The following DTNA variants were observed in gnomAD, a reference collection of about 807,000 sequenced individuals.
DTNA encodes the protein dystrophin-related protein 3.
DTNA carries 43 observed loss-of-function variants against 100.7 expected under a neutral mutation model. That is an observed-to-expected ratio of 0.43 (90% CI 0.33 to 0.55). The LOEUF is 0.55. Ranked by LOEUF, DTNA falls within the 20% of genes least tolerant of loss-of-function variation. DTNA has a pLI of 0.04. For missense variants in DTNA, 798 were observed against 953.9 expected, an observed-to-expected ratio of 0.84 and a Z score of 2.15; for synonymous variants, 349 against 347.9, an observed-to-expected ratio of 1.00 and a Z score of -0.04.
chr18:34,583,946 G>A (rs189023619), intron 1 of DTNA, among the ~76,000 whole-genome samples: 2 of 152,272 alleles, frequency 1.3e-5, no homozygotes, highest in Admixed American at 6.5e-5. Context: ...CATTATTGGG[G>A]ACAGTGGCAG....
At chr18:34,571,933 C>T (rs893381698) in intron 1 of DTNA, among the ~76,000 whole-genome samples, 18 of 152,248 alleles carry the variant, frequency 1.2e-4, no homozygotes, top group South Asian at 2.1e-4. Flanking sequence ...GGCAACACAG[C>T]GTTCATTTTT....
chr18:34,756,218 T>C (rs2092757840), intron 2 of DTNA, among the ~76,000 whole-genome samples, 175 bp downstream of exon 2: 1 of 152,216 alleles, frequency 6.6e-6, no homozygotes, highest in African/African-American at 2.4e-5. Context: ...GTTCAGTTAG[T>C]CAGTAATTCA....
chr18:34,650,107 A>G lies in DTNA; in HGVS notation c.-1-105869A>G, dbSNP rs190253242. Among the ~76,000 whole-genome samples the G allele has an allele frequency of 1.2e-4, 18 of 152,298 alleles. No homozygotes were observed. In the East Asian group the frequency reaches 3.5e-3, roughly 29 times the overall value. ...TTTGCACAGGAGAACTTGAGAGTCAAAAGACTTAAATTTGTTTCAAGTTTC... is the reference window on the plus strand; with the variant it reads ...TTTGCACAGGAGAACTTGAGAGTCAGAAGACTTAAATTTGTTTCAAGTTTC... On this transcript the variant is annotated intron_variant, in intron 1 of 19. Coordinates refer to the DTNA transcript ENST00000283365.
chr18:34,845,728 G>A (rs2096365589), intron 13 of DTNA, among the ~76,000 whole-genome samples: 1 of 152,154 alleles, frequency 6.6e-6, no homozygotes, highest in Non-Finnish European at 1.5e-5. Flanking sequence ...AAAGAATTTA[G>A]TTATTATTTT....
chr18:34,533,820 G>A (rs1367691495), intron 1 of DTNA, among the ~76,000 whole-genome samples: 1 of 152,026 alleles, frequency 6.6e-6, no homozygotes, highest in Non-Finnish European at 1.5e-5. Flanking sequence ...GCATTCTATG[G>A]TACAGATGGA....
intron 1 of DTNA, among the ~76,000 whole-genome samples, chr18:34,729,380 CAA>C (rs985429807): frequency 8.0e-4 from 122 of 152,228 alleles, no homozygotes; most frequent in African/African-American, 2.6e-3. Flanking sequence ...TACCTGCAAT[CAA>C]GAGACAGAGA....
chr18:34,887,744 AT>A (rs2096936114), intron 22 of DTNA, 21 bp from the exon 23 acceptor site: 2 of 985,338 alleles, frequency 2.0e-6, no homozygotes, highest in Non-Finnish European at 2.4e-6. Flanking sequence ...TTTAAAAAAA[AT>A]TACACATTCC....
chr18:34,721,506 GA>G lies in DTNA; in HGVS notation c.-2+11069del, dbSNP rs200221477. Among the ~76,000 whole-genome samples, 24 of 151,542 alleles carry G rather than the reference GA, an allele frequency of 1.6e-4. 1 individual carries two copies. In the South Asian group the frequency reaches 4.2e-3, roughly 26 times the overall value. The stretch of plus-strand genomic sequence containing the variant: ...ACAACTCCCAACATGGGAAACTAAT[GA>G]AAAAAAACAAACAAACAAAAACGTG... On this transcript the variant is annotated intron_variant, in intron 1 of 22. Coordinates refer to ENST00000444659, the MANE Select transcript of DTNA (RefSeq NM_001386795.1).
intron 3 of DTNA, among the ~76,000 whole-genome samples, chr18:34,783,723 C>T (rs919936889): frequency 1.2e-4 from 19 of 152,254 alleles, no homozygotes; most frequent in Middle Eastern, 3.4e-3. Flanking sequence ...TGGGTGATGG[C>T]GGATAGCTTC....
At chr18:34,562,960 A>G (rs939830819) in intron 1 of DTNA, among the ~76,000 whole-genome samples, 1 of 152,216 alleles carries the variant, frequency 6.6e-6, no homozygotes, top group African/African-American at 2.4e-5. Context: ...GCAAATTAGG[A>G]AAAGTTGTCC....
chr18:34,586,697 T>C (rs972044233), intron 1 of DTNA, among the ~76,000 whole-genome samples: 1 of 152,222 alleles, frequency 6.6e-6, no homozygotes, highest in African/African-American at 2.4e-5. Context: ...ATTAGATATT[T>C]GATTATGAAA....
chr18:34,708,397 C>T (rs1240248136), upstream of DTNA, among the ~76,000 whole-genome samples: 1 of 152,138 alleles, frequency 6.6e-6, no homozygotes, highest in Non-Finnish European at 1.5e-5. Context: ...GTATCATTAA[C>T]AAATAACATA....
At chr18:34,749,009 T>C (rs1388272694) in intron 1 of DTNA, among the ~76,000 whole-genome samples, 1 of 152,072 alleles carries the variant, frequency 6.6e-6, no homozygotes, top group Non-Finnish European at 1.5e-5. Flanking sequence ...TCCTTGTAGG[T>C]ATTTTTTATT....
At chr18:34,846,384 T>C (rs2096378559) in intron 13 of DTNA, among the ~76,000 whole-genome samples, 1 of 152,172 alleles carries the variant, frequency 6.6e-6, no homozygotes, top group African/African-American at 2.4e-5. Context: ...AACTAATATT[T>C]TTGAGCACCT....
chr18:34,633,843 C>G (rs919209087), intron 1 of DTNA, among the ~76,000 whole-genome samples: 1 of 152,226 alleles, frequency 6.6e-6, no homozygotes, highest in Non-Finnish European at 1.5e-5. Flanking sequence ...ACATACCTTT[C>G]TTAAAACTTC....
At chr18:34,586,966 G>GTT (rs56229514) in intron 1 of DTNA, among the ~76,000 whole-genome samples, 15,001 of 145,922 alleles carry the variant, frequency 0.1, 1,081 homozygotes, top group African/African-American at 0.2. Flanking sequence ...AAAATCTTTA[G>GTT]TTTTTTTTTT....
chr18:34,791,866 T>G lies in DTNA; in HGVS notation c.149-2171T>G, dbSNP rs1048122178. Among the ~76,000 whole-genome samples the G allele has an allele frequency of 3.9e-5, 6 of 152,332 alleles. No individual in the cohort carries two copies. The East Asian group carries it at 5.8e-4, about 15-fold the overall frequency. ...TCTATGCATTTTTCCATTTTAGGAA[T>G]GCCAGCCCCATTTCATAGATGAAGG... On this transcript the variant is annotated intron_variant, in intron 3 of 22. Coordinates refer to ENST00000444659, the MANE Select transcript of DTNA (RefSeq NM_001386795.1).
chr18:34,686,344 A>G (rs2078899519), intron 1 of DTNA, among the ~76,000 whole-genome samples: 1 of 152,158 alleles, frequency 6.6e-6, no homozygotes, highest in South Asian at 2.1e-4. Flanking sequence ...TGTTTTTAGC[A>G]TGAAGGGGTG....
intron 2 of DTNA, 89 bp downstream of exon 2, chr18:34,756,132 T>C: frequency 6.9e-7 from 1 of 1,454,558 alleles, no homozygotes; most frequent in Non-Finnish European, 9.4e-7. Context: ...TTATGATATT[T>C]GTACTTTTCC....
Sources: allele counts gnomAD v4.1 joint callset (sites outside exome capture counted in the v4.1 genomes callset), GRCh38; gene constraint gnomAD v4.1.1; transcripts MANE v1.5; gene names NCBI Gene and HGNC (gene_info 2026-07-23, HGNC 2026-07-21).